Variants in YEATS2 observed in about 807,000 individuals in gnomAD.
YEATS2 encodes YEATS domain-containing protein 2.
In YEATS2, 77 loss-of-function variants were observed where a neutral mutation model predicts 163.2. The observed-to-expected ratio is 0.47, with a 90% CI of 0.39 to 0.57. The LOEUF (loss-of-function observed/expected upper bound fraction) is 0.57. Ranked by LOEUF, YEATS2 falls within the 20% of genes least tolerant of loss-of-function variation. The pLI is 0.00. For missense variants in YEATS2, 1,549 were observed against 1,729.8 expected (o/e 0.90, Z 1.85); for synonymous variants, 631 against 645.1 (o/e 0.98, Z 0.33).
intron 21 of YEATS2, chr3:183,793,482 A>G (rs1724850206): frequency 1.2e-6 from 1 of 865,454 alleles, no homozygotes; most frequent in Non-Finnish European, 1.3e-6. Flanking sequence ...GAATTATTAT[A>G]ATAATGAATA....
chr3:183,808,862 A>G, intron 29 of YEATS2: 1 of 423,426 alleles, frequency 2.4e-6, no homozygotes, highest in South Asian at 2.8e-5. Context: ...TCTCAAAATA[A>G]ATAAATAAAT....
intron 4 of YEATS2, 35 bp downstream of exon 4, chr3:183,718,627 A>G (rs1716158071): frequency 6.6e-7 from 1 of 1,512,820 alleles, no homozygotes; most frequent in African/African-American, 1.4e-5. Flanking sequence ...TTTTCCAGCC[A>G]CTCATATTTG....
At chr3:183,780,380 G>A (rs533094486) in intron 19 of YEATS2, among the ~76,000 whole-genome samples, 2 of 152,288 alleles carry the variant, frequency 1.3e-5, no homozygotes, top group African/African-American at 2.4e-5. Flanking sequence ...CTTATCTAGC[G>A]TTTTTCCACG....
At chr3:183,763,009 G>T (rs1392029001) in intron 15 of YEATS2, among the ~76,000 whole-genome samples, 1 of 151,488 alleles carries the variant, frequency 6.6e-6, no homozygotes, top group African/African-American at 2.4e-5. Flanking sequence ...TGAGATCGCG[G>T]CACTGCACTC....
At chr3:183,735,604 A>T (rs763722755) in intron 7 of YEATS2, among the ~76,000 whole-genome samples, 10 of 150,780 alleles carry the variant, frequency 6.6e-5, no homozygotes, top group African/African-American at 2.0e-4. Context: ...CATCTGTTAC[A>T]CTCTTTTCAG....
chr3:183,712,329 G>A (rs192956382), intron 1 of YEATS2, among the ~76,000 whole-genome samples: 1 of 150,668 alleles, frequency 6.6e-6, no homozygotes. Flanking sequence ...ATGCCTCAGC[G>A]TCCTGAGTAG....
Position 183,800,501 on chromosome 3 carries a change from C to T in YEATS2, c.3361C>T (p.Leu1121Phe), listed in dbSNP as rs201088637. The T allele has an allele frequency of 6.2e-7, 1 of 1,614,044 alleles. No individual in the cohort carries two copies. The highest frequency in any genetic ancestry group is 8.5e-7 in the Non-Finnish European group (1 of 1,180,016). Residue 1121 changes from leucine to phenylalanine, a missense_variant, in exon 24 of 31, where the codon CTC becomes TTC. Leu to Phe is a conservative substitution (Grantham distance 22, BLOSUM62 0). Transcript: ENST00000305135. ...ACCAGAAACACCTGGACCGAGTTGCCTCTCTCAGGAGGGTCAGACAGCAGT... is the reference window on the plus strand; with the variant it reads ...ACCAGAAACACCTGGACCGAGTTGCTTCTCTCAGGAGGGTCAGACAGCAGT... ...TEPETPGPSCLSQEGQTAVKT... is the reference protein window; with the variant it reads ...TEPETPGPSCFSQEGQTAVKT...
intron 19 of YEATS2, among the ~76,000 whole-genome samples, chr3:183,782,927 A>G (rs1006422731): frequency 3.9e-5 from 6 of 152,232 alleles, no homozygotes; most frequent in Admixed American, 2.0e-4. Flanking sequence ...AAATGGTTGT[A>G]CTGTTTGACT....
At chr3:183,743,147 A>G (rs568377714) in intron 8 of YEATS2, among the ~76,000 whole-genome samples, 1 of 152,296 alleles carries the variant, frequency 6.6e-6, no homozygotes, top group Admixed American at 6.5e-5. Flanking sequence ...TGAATCTGCA[A>G]TTATCTCTGA....
intron 11 of YEATS2, among the ~76,000 whole-genome samples, chr3:183,756,077 C>T (rs527912988): frequency 1.5e-4 from 23 of 152,082 alleles, no homozygotes; most frequent in African/African-American, 4.8e-4. Flanking sequence ...TTAGTGTCTT[C>T]GAGTATAACC....
chr3:183,741,343 G>A (rs1401567398), intron 8 of YEATS2, among the ~76,000 whole-genome samples: 2 of 152,044 alleles, frequency 1.3e-5, no homozygotes, highest in Non-Finnish European at 2.9e-5. Context: ...TTTATAAATG[G>A]AACAAAAAAG....
chr3:183,786,676 C>T (rs1724099878), intron 20 of YEATS2, among the ~76,000 whole-genome samples: 2 of 152,086 alleles, frequency 1.3e-5, no homozygotes, highest in African/African-American at 4.8e-5. Flanking sequence ...ATAACATGCC[C>T]TTTTGGGTCT....
chr3:183,811,054 T>A lies in YEATS2; in HGVS notation c.*471T>A, dbSNP rs894487257. The A allele has an allele frequency of 1.8e-5, 3 of 168,544 alleles. No homozygotes were observed. Among genetic ancestry groups the A allele is most frequent in the Admixed American group, 1.2e-4 (2 of 17,188 alleles). 10.4% of individuals were successfully genotyped at this position (168,544 alleles called of 1,614,324 possible). A position where few individuals can be genotyped will look rare whatever the true frequency, so the allele number is the denominator to read the frequency against. ...CTTCAGCCTTCAGCAGGTGGTTCTC[T>A]CCCATGCCTGGCCTTGGTGTGGAGG... On this transcript the variant is annotated 3_prime_UTR_variant, in exon 31 of 31. Transcript: ENST00000305135.
intron 3 of YEATS2, among the ~76,000 whole-genome samples, chr3:183,717,952 T>C (rs1716080339): frequency 6.7e-6 from 1 of 149,922 alleles, no homozygotes; most frequent in Non-Finnish European, 1.5e-5. Context: ...ATTGAAGAAA[T>C]ATTACCTGGA....
chr3:183,807,272 C>T (rs974004793), intron 28 of YEATS2, 180 bp downstream of exon 28: 20 of 604,080 alleles, frequency 3.3e-5, no homozygotes, highest in Non-Finnish European at 5.2e-5. Flanking sequence ...GGTGTGCTCT[C>T]AGGGCTCCCA....
chr3:183,754,102 GTTTGCCTCTTTCATC>G lies in YEATS2; in HGVS notation c.1151-22_1151-8del. On this transcript the variant is annotated splice_polypyrimidine_tract_variant and intron_variant, in intron 10 of 30. Coordinates refer to ENST00000305135, the MANE Select transcript of YEATS2 (RefSeq NM_018023.5). ...ATTTCAAAGCGATTGATGACTTGCCGTTTGCCTCTTTCATCTCAAGCAGGATTCCCAGCTAGCACT... is the reference window on the plus strand; with the variant it reads ...ATTTCAAAGCGATTGATGACTTGCCGTCAAGCAGGATTCCCAGCTAGCACT... 3 of 1,511,914 alleles carry G rather than the reference GTTTGCCTCTTTCATC, an allele frequency of 2.0e-6. No individual in the cohort carries two copies. The South Asian group carries it at 4.0e-5, about 20-fold the overall frequency. 93.7% of individuals were successfully genotyped at this position (1,511,914 alleles called of 1,614,324 possible).
chr3:183,810,670 T>G lies in YEATS2; in HGVS notation c.*87T>G. The G allele has an allele frequency of 5.5e-6, 7 of 1,281,226 alleles. No individual in the cohort carries two copies. The highest frequency in any genetic ancestry group is 7.8e-6 in the Non-Finnish European group (7 of 897,674). The allele number at this position is 1,281,226 out of a possible 1,614,324, so 79.4% of individuals were successfully genotyped here. ...CCTGCTGCTCGGGAAGGAGGTGGTT[T>G]CCAGTGTGACTCGGCATGTCATGGC... On this transcript the variant is annotated 3_prime_UTR_variant, in exon 31 of 31. Coordinates refer to ENST00000305135, the MANE Select transcript of YEATS2 (RefSeq NM_018023.5).
At chr3:183,760,141 T>C (rs1471449534) in intron 13 of YEATS2, among the ~76,000 whole-genome samples, 1 of 152,152 alleles carries the variant, frequency 6.6e-6, no homozygotes, top group Non-Finnish European at 1.5e-5. Context: ...CACTGTTATA[T>C]GAATGTCTGA....
intron 1 of YEATS2, among the ~76,000 whole-genome samples, chr3:183,704,346 A>G (rs1417329785): frequency 1.3e-5 from 2 of 151,988 alleles, no homozygotes; most frequent in East Asian, 3.9e-4. Context: ...TTGGATTTGT[A>G]TGTGTATTTG....
Sources: allele counts gnomAD v4.1 joint callset (sites outside exome capture counted in the v4.1 genomes callset), GRCh38; gene constraint gnomAD v4.1.1; transcripts MANE v1.5; gene names NCBI Gene and HGNC (gene_info 2026-07-23, HGNC 2026-07-21).